Variants in DYNC2H1 observed in about 807,000 individuals in gnomAD.
DYNC2H1 encodes the protein dynein cytoplasmic 2 heavy chain 1.
A neutral mutation model predicts 570.0 loss-of-function variants in DYNC2H1; 410 were observed. That is an observed-to-expected ratio of 0.72 (90% CI 0.66 to 0.78). The LOEUF (loss-of-function observed/expected upper bound fraction) is 0.78. DYNC2H1 is among the 30% of genes least tolerant of loss of function. DYNC2H1 has a pLI of 0.00. For synonymous variants in DYNC2H1, 1,688 were observed against 1,677.6 expected, an observed-to-expected ratio of 1.01 and a Z score of -0.15; for missense variants, 4,865 against 5,046.4, an observed-to-expected ratio of 0.96 and a Z score of 1.09.
At chr11:103,401,167 G>A (rs1367435342) in intron 84 of DYNC2H1, among the ~76,000 whole-genome samples, 1 of 152,114 alleles carries the variant, frequency 6.6e-6, no homozygotes, top group Non-Finnish European at 1.5e-5. Context: ...TGAGGCAGTG[G>A]GGTGTTACAT....
At chr11:103,377,588 T>C (rs937189201) in intron 83 of DYNC2H1, among the ~76,000 whole-genome samples, 4 of 152,166 alleles carry the variant, frequency 2.6e-5, no homozygotes, top group Admixed American at 6.5e-5. Context: ...TGTTTTTAAA[T>C]GTCTAAACTA....
Position 103,312,003 on chromosome 11 carries a change from A to G in DYNC2H1, c.11619A>G (p.Ala3873=), listed in dbSNP as rs1867611591. The change falls in exon 79 of 89, where the codon GCA becomes GCG. Residue 3873 remains alanine (A), a synonymous_variant. Coordinates refer to ENST00000375735, the MANE Select transcript of DYNC2H1 (RefSeq NM_001377.3). The part of the protein sequence containing the change: ...ALFSLAWFHA[A]CQERRNYIPQ... ...TCAGTCTTGCATGGTTTCATGCTGC[A>G]TGTCAAGAAAGAAGAAACTATATTC... 6.2e-7 allele frequency: 1 copy of G among 1,612,152 alleles called. No individual in the cohort carries two copies. Among genetic ancestry groups the G allele is most frequent in the Admixed American group, 1.7e-5 (1 of 59,614 alleles).
chr11:103,112,892 C>T (rs897802502), intron 1 of DYNC2H1, among the ~76,000 whole-genome samples: 2 of 152,102 alleles, frequency 1.3e-5, no homozygotes, highest in Non-Finnish European at 2.9e-5. Flanking sequence ...AACAAGATTG[C>T]TGTAGTGAAT....
At position 103,133,620 on chromosome 11, in the gene DYNC2H1, C is replaced by T. The variant is rs1859384363; in HGVS notation, c.2019C>T (p.Gly673=). ...ITWDNPKELE[G]YIQKLQNAAE... ...GGGATAATCCTAAAGAATTAGAAGG[C>T]TATATCCAAAAACTCCAAAATGCTG... is the stretch of plus-strand genomic sequence containing the variant. Residue 673 remains glycine (G), a synonymous_variant, in exon 14 of 89, where the codon GGC becomes GGT. Coordinates refer to ENST00000375735, the MANE Select transcript of DYNC2H1 (RefSeq NM_001377.3). The surrounding 1 kb of genome is among the most constrained non-coding windows in gnomAD (Gnocchi z 4.8). 6.2e-7 allele frequency: 1 copy of T among 1,612,566 alleles called. No individual in the cohort carries two copies. The highest frequency in any genetic ancestry group is 8.5e-7 in the Non-Finnish European group (1 of 1,179,554).
intron 31 of DYNC2H1, among the ~76,000 whole-genome samples, 169 bp downstream of exon 31, chr11:103,166,217 A>G (rs1305785213): frequency 1.3e-5 from 2 of 152,146 alleles, no homozygotes; most frequent in African/African-American, 2.4e-5. Flanking sequence ...TAATTTACTA[A>G]TTTAAATAGA....
chr11:103,121,186 A>AT (rs1858686869), intron 9 of DYNC2H1, 150 bp downstream of exon 9: 5 of 926,714 alleles, frequency 5.4e-6, no homozygotes, highest in Middle Eastern at 3.4e-4. Flanking sequence ...TAAATGACAG[A>AT]TTTTTTTGCA....
At chr11:103,367,182 A>G (rs1940947747) in intron 83 of DYNC2H1, among the ~76,000 whole-genome samples, 1 of 152,112 alleles carries the variant, frequency 6.6e-6, no homozygotes, top group African/African-American at 2.4e-5. Flanking sequence ...ACACATTTGT[A>G]TGTGTCTGAG....
intron 82 of DYNC2H1, among the ~76,000 whole-genome samples, chr11:103,354,484 G>T (rs2671338): frequency 0.55 from 83,264 of 151,730 alleles, 24,701 homozygotes; most frequent in Admixed American, 0.66. Context: ...TATTTCTGTT[G>T]TATATTGGGA....
Position 103,468,534 on chromosome 11 carries a change from T to G in DYNC2H1, c.12649-55T>G, listed in dbSNP as rs545412890. The G allele has an allele frequency of 1.7e-5, 21 of 1,263,130 alleles. No individual in the cohort carries two copies. In the South Asian group the frequency reaches 2.4e-4, roughly 14 times the overall value. The allele number at this position is 1,263,130 out of a possible 1,614,324, so 78.2% of individuals were successfully genotyped here. On this transcript the variant is annotated intron_variant, in intron 87 of 88. Coordinates refer to ENST00000375735, the MANE Select transcript of DYNC2H1 (RefSeq NM_001377.3). Reference sequence around the variant, plus strand: ...GCTCTTAAGGTAGAATAGAGTAACCTCTGACATTTGCGACTTTAATGCATA... The same window carrying G: ...GCTCTTAAGGTAGAATAGAGTAACCGCTGACATTTGCGACTTTAATGCATA...
At chr11:103,165,552 A>G (rs772344754) in intron 30 of DYNC2H1, among the ~76,000 whole-genome samples, 2 of 152,204 alleles carry the variant, frequency 1.3e-5, no homozygotes, top group Admixed American at 6.5e-5. Flanking sequence ...TCATACTTTG[A>G]TATCTTTGTA....
intron 67 of DYNC2H1, among the ~76,000 whole-genome samples, chr11:103,255,811 A>G (rs1865033330): frequency 6.6e-6 from 1 of 152,062 alleles, no homozygotes; most frequent in African/African-American, 2.4e-5. Flanking sequence ...GAAAGCAAGA[A>G]ATTATAACAA....
chr11:103,280,256 A>G lies in DYNC2H1; in HGVS notation c.10696-92A>G, dbSNP rs556534754. On this transcript the variant is annotated intron_variant, in intron 70 of 88. Transcript: ENST00000375735. The surrounding 1 kb of genome is among the most constrained non-coding windows in gnomAD (Gnocchi z 4.7). ...AAAAAGTAGGTCATATGAAGACAGA[A>G]TAGAGATTTTTGTGTGCCAAATTTT... is the stretch of plus-strand genomic sequence containing the variant. The G allele has an allele frequency of 4.8e-6, 6 of 1,238,064 alleles. No homozygotes were observed. In the African/African-American group the frequency reaches 9.0e-5, roughly 19 times the overall value. The allele number at this position is 1,238,064 out of a possible 1,614,324, so 76.7% of individuals were successfully genotyped here. A position where few individuals can be genotyped will look rare whatever the true frequency, so the allele number is the denominator to read the frequency against.
At chr11:103,211,206 G>GTT (rs58455190) in intron 53 of DYNC2H1, among the ~76,000 whole-genome samples, 1,947 of 151,944 alleles carry the variant, frequency 0.013, 41 homozygotes, top group African/African-American at 0.041. Flanking sequence ...AGTCGAGGAT[G>GTT]TTTTTTGGGT....
intron 83 of DYNC2H1, among the ~76,000 whole-genome samples, chr11:103,392,886 AT>A (rs5794232): frequency 0.021 from 3,031 of 145,792 alleles, 35 homozygotes; most frequent in Non-Finnish European, 0.028. Flanking sequence ...TCCTGAAACT[AT>A]TTTTTTTTTT....
At chr11:103,355,951 C>A (rs1022477845) in intron 82 of DYNC2H1, among the ~76,000 whole-genome samples, 1 of 152,084 alleles carries the variant, frequency 6.6e-6, no homozygotes, top group African/African-American at 2.4e-5. Flanking sequence ...CTCAAGTGAT[C>A]CCCCCACCTC....
At chr11:103,448,367 G>C (rs948665739) in intron 85 of DYNC2H1, among the ~76,000 whole-genome samples, 5 of 152,062 alleles carry the variant, frequency 3.3e-5, no homozygotes, top group African/African-American at 1.2e-4. Context: ...TTTCTAAAAA[G>C]ATACCTCTTC....
intron 17 of DYNC2H1, 79 bp from the exon 18 acceptor site, chr11:103,143,189 A>G (rs767159561): frequency 1.5e-5 from 22 of 1,460,312 alleles, no homozygotes; most frequent in Non-Finnish European, 2.0e-5. Flanking sequence ...ATTGGTTTTA[A>G]TAGTTGAATC....
intron 69 of DYNC2H1, among the ~76,000 whole-genome samples, chr11:103,258,817 T>C (rs777640166): frequency 3.9e-5 from 6 of 152,222 alleles, no homozygotes; most frequent in Non-Finnish European, 8.8e-5. Flanking sequence ...CTTTCTGCTG[T>C]TTAAAAAATC....
chr11:103,140,699 C>T (rs1245235779), intron 17 of DYNC2H1, among the ~76,000 whole-genome samples: 2 of 152,210 alleles, frequency 1.3e-5, no homozygotes, highest in East Asian at 1.9e-4. Context: ...TTGCTCTTCT[C>T]GAGGAGTATC....
Sources: allele counts gnomAD v4.1 joint callset (sites outside exome capture counted in the v4.1 genomes callset), GRCh38; gene constraint gnomAD v4.1.1; non-coding constraint Gnocchi (gnomAD v3.1); transcripts MANE v1.5; gene names NCBI Gene and HGNC (gene_info 2026-07-23, HGNC 2026-07-21).